Variants in VWA8 observed in about 807,000 individuals in gnomAD.
The protein encoded by VWA8 is von Willebrand factor A domain-containing protein 8.
A neutral mutation model predicts 241.5 loss-of-function variants in VWA8; 221 were observed. The observed-to-expected ratio is 0.91, with a 90% CI of 0.82 to 1.02. The LOEUF is 1.02. Among genes scored for constraint, VWA8 ranks in the 50% least tolerant of loss-of-function variants. VWA8 has a pLI of 0.00. For missense variants in VWA8, 2,322 were observed against 2,328.7 expected, an observed-to-expected ratio of 1.00 and a Z score of 0.06; for synonymous variants, 852 against 827.1, an observed-to-expected ratio of 1.03 and a Z score of -0.52.
rs181326539 is a variant in VWA8, at chr13:41,837,163, T to C, written c.1426-3632A>G. Among the ~76,000 whole-genome samples, 14 of 152,246 alleles carry C rather than the reference T, an allele frequency of 9.2e-5. No homozygotes were observed. The East Asian group carries it at 2.7e-3, about 29-fold the overall frequency. On this transcript the variant is annotated intron_variant, in intron 12 of 44. Coordinates refer to ENST00000379310, the MANE Select transcript of VWA8 (RefSeq NM_015058.2). ...TTGAACTCCTGGCCTCCAGCAATCC[T>C]CACACTTCAGCCTCCCAAAGTGGCA...
Position 41,783,891 on chromosome 13 carries a change from T to C in VWA8, c.2181A>G (p.Thr727=). 1.9e-6 allele frequency: 3 copies of C among 1,613,460 alleles called. No individual in the cohort carries two copies. The highest frequency in any genetic ancestry group is 2.2e-5 in the East Asian group (1 of 44,828). ...PELKDYKCEV[T]SGTLRIGAVS... ...CAGCACCAATCCTCAGAGTTCCAGA[T>C]GTTACTTCACCTAAACATTTCACAC... Residue 727 remains threonine, a synonymous_variant, in exon 19 of 45, where the codon ACA becomes ACG. Coordinates refer to ENST00000379310, the MANE Select transcript of VWA8 (RefSeq NM_015058.2).
Position 41,949,992 on chromosome 13 carries a change from T to C in VWA8, c.185A>G (p.Asp62Gly). 2 of 1,591,586 alleles carry C rather than the reference T, an allele frequency of 1.3e-6. No individual in the cohort carries two copies. Among genetic ancestry groups the C allele is most frequent in the South Asian group, 1.1e-5 (1 of 87,844 alleles). The change falls in exon 2 of 45, where the codon GAT (aspartate) becomes GGT (glycine). Residue 62 changes from aspartate (D) to glycine (G), a missense_variant. By Grantham distance (94) the Asp-to-Gly change is moderately conservative. Coordinates refer to ENST00000379310, the MANE Select transcript of VWA8 (RefSeq NM_015058.2). ...AGGAATTTTCAACTTGTAGGATACA[T>C]CTCCAATATTAACTGTATCACCTAA... The part of the protein sequence containing the change: ...ADTGDTVNIG[D>G]VSYKLKIPKN...
At chr13:41,931,892 C>A (rs964844096) in intron 2 of VWA8, among the ~76,000 whole-genome samples, 1 of 152,074 alleles carries the variant, frequency 6.6e-6, no homozygotes. Context: ...ATGGCTTCAG[C>A]TTCTGCCTTA....
chr13:41,590,897 A>T, intron 40 of VWA8, 132 bp from the exon 41 acceptor site: 1 of 1,155,212 alleles, frequency 8.7e-7, no homozygotes, highest in East Asian at 2.4e-5. Context: ...GAACACAGTC[A>T]TATAAATGAA....
At position 41,605,200 on chromosome 13, in the gene VWA8, G is replaced by A. The variant is rs1378371383; in HGVS notation, c.4954C>T (p.His1652Tyr). 6 of 1,613,054 alleles carry A rather than the reference G, an allele frequency of 3.7e-6. No individual in the cohort carries two copies. Among genetic ancestry groups the A allele is most frequent in the Non-Finnish European group, 4.2e-6 (5 of 1,179,360 alleles). ...RFSGAVRRQVHSLRIILDNLQ... is the reference protein window; with the variant it reads ...RFSGAVRRQVYSLRIILDNLQ... ...TTATCCAGGATGATTCGGAGGGAGTGCACCTGTCGCCGAACAGCACCTGAA... is the reference window on the plus strand; with the variant it reads ...TTATCCAGGATGATTCGGAGGGAGTACACCTGTCGCCGAACAGCACCTGAA... Residue 1652 changes from histidine to tyrosine, a missense_variant, in exon 40 of 45, where the codon CAC (histidine) becomes TAC (tyrosine). Physicochemically the swap from His to Tyr is moderately conservative, Grantham distance 83 (BLOSUM62 2). Transcript: ENST00000379310.
intron 1 of VWA8, 70 bp from the exon 2 acceptor site, chr13:41,950,083 G>A: frequency 1.1e-6 from 1 of 922,764 alleles, no homozygotes; most frequent in Non-Finnish European, 1.6e-6. Context: ...ATGCAACAAT[G>A]CTTGTCCTGA....
chr13:41,898,120 T>C (rs962704347), intron 4 of VWA8, among the ~76,000 whole-genome samples: 4 of 151,648 alleles, frequency 2.6e-5, no homozygotes, highest in South Asian at 4.2e-4. Flanking sequence ...AGGGTGCTGA[T>C]TGGTGTGTTT....
chr13:41,624,247 A>G (rs1180004955), intron 37 of VWA8, among the ~76,000 whole-genome samples: 1 of 152,214 alleles, frequency 6.6e-6, no homozygotes, highest in Non-Finnish European at 1.5e-5. Flanking sequence ...CAAATGTGTA[A>G]AGAAGAGCTG....
At position 41,643,479 on chromosome 13, in the gene VWA8, G is replaced by T. The variant is rs1295358433; in HGVS notation, c.4611+27467C>A. ...AATAGTTGTCAAAGGAATCAATAAT[G>T]AATGAGAACTGAAGCTTCCTTCTCA... On this transcript the variant is annotated intron_variant, in intron 37 of 44. Transcript: ENST00000379310. Among the ~76,000 whole-genome samples, 3 of 152,218 alleles carry T rather than the reference G, an allele frequency of 2.0e-5. No homozygotes were observed. The South Asian group carries it at 6.2e-4, about 32-fold the overall frequency.
chr13:41,721,513 T>C lies in VWA8; in HGVS notation c.2821A>G (p.Arg941Gly), dbSNP rs749826841. 1.2e-6 allele frequency: 2 copies of C among 1,613,880 alleles called. No homozygotes were observed. Among genetic ancestry groups the C allele is most frequent in the South Asian group, 1.1e-5 (1 of 91,076 alleles). ...TCAGGCACATTTGGTCCATACTGTC[T>C]GAGCATCTCGAGCTCCGAGTGGGGT... Reference protein sequence around the residue: ...PKPHSELEMLRQYGPNVPEPI... With the variant: ...PKPHSELEMLGQYGPNVPEPI... The change falls in exon 25 of 45, where the codon AGA becomes GGA. Residue 941 changes from arginine to glycine, a missense_variant. Arg to Gly is a moderately radical substitution (Grantham distance 125). Transcript: ENST00000379310.
intron 12 of VWA8, among the ~76,000 whole-genome samples, chr13:41,854,871 C>G (rs1872673681): frequency 6.6e-6 from 1 of 152,106 alleles, no homozygotes; most frequent in Non-Finnish European, 1.5e-5. Context: ...CCTACAGGCT[C>G]TGAGGGGTGG....
chr13:41,884,516 G>T (rs1158055451), intron 8 of VWA8, among the ~76,000 whole-genome samples: 1 of 150,812 alleles, frequency 6.6e-6, no homozygotes, highest in Non-Finnish European at 1.5e-5. Context: ...GCGGGAGAAC[G>T]AACTGATACA....
chr13:41,957,698 A>G (rs373298375), intron 1 of VWA8, among the ~76,000 whole-genome samples: 1 of 152,328 alleles, frequency 6.6e-6, no homozygotes, highest in Middle Eastern at 3.4e-3. Context: ...TGGGAGGATC[A>G]TGTTTTAGGG....
chr13:41,835,488 A>G (rs1871681092), intron 12 of VWA8, among the ~76,000 whole-genome samples: 2 of 152,176 alleles, frequency 1.3e-5, no homozygotes, highest in Admixed American at 6.5e-5. Context: ...GATGCCAATG[A>G]CAGTTATAAC....
intron 21 of VWA8, among the ~76,000 whole-genome samples, chr13:41,760,047 T>C (rs1196350365): frequency 6.6e-6 from 1 of 151,836 alleles, no homozygotes; most frequent in East Asian, 1.9e-4. Flanking sequence ...ACTCTTACTT[T>C]AGGGATAGAT....
At chr13:41,674,428 A>G (rs1332221968) in intron 36 of VWA8, among the ~76,000 whole-genome samples, 1 of 152,170 alleles carries the variant, frequency 6.6e-6, no homozygotes, top group Non-Finnish European at 1.5e-5. Context: ...ACATGAGAGG[A>G]GCAGATGTGA....
chr13:41,819,674 A>G (rs1430996449), intron 14 of VWA8, among the ~76,000 whole-genome samples: 4 of 152,192 alleles, frequency 2.6e-5, no homozygotes, highest in Non-Finnish European at 4.4e-5. Context: ...TGCCTACAAC[A>G]TATTTTCTCC....
Position 41,887,345 on chromosome 13 carries a change from T to C in VWA8, c.668A>G (p.Glu223Gly), listed in dbSNP as rs758858374. 6.2e-7 allele frequency: 1 copy of C among 1,612,332 alleles called. No homozygotes were observed. Among genetic ancestry groups the C allele is most frequent in the South Asian group, 1.1e-5 (1 of 90,796 alleles). ...TCGGACAATTTTCCAAGAATCCAAC[T>C]CTTTTTTGGTATGATCCTATAAAAG... ...DKLLRDHTKK[E>G]LDSWKIVRVS... The change falls in exon 6 of 45, where the codon GAG (glutamate) becomes GGG (glycine). Residue 223 changes from glutamate to glycine, a missense_variant. Glu to Gly is a moderately conservative substitution (Grantham distance 98). Transcript: ENST00000379310.
At chr13:41,602,924 T>A (rs2044530529) in intron 40 of VWA8, among the ~76,000 whole-genome samples, 1 of 152,180 alleles carries the variant, frequency 6.6e-6, no homozygotes, top group Non-Finnish European at 1.5e-5. Flanking sequence ...AGACGGAAGT[T>A]CTACATCTAT....
Sources: gnomAD v4.1 joint callset for allele counts (sites outside exome capture counted in the v4.1 genomes callset) on GRCh38, gnomAD v4.1.1 for gene constraint, MANE v1.5 for transcripts, NCBI Gene and HGNC (gene_info 2026-07-23, HGNC 2026-07-21) for gene names.